BCKDHB: variants seen among roughly 807,000 people sequenced by gnomAD.
The protein encoded by BCKDHB is 2-oxoisovalerate dehydrogenase subunit beta, mitochondrial.
BCKDHB carries 41 observed loss-of-function variants against 48.5 expected under a neutral mutation model. The observed-to-expected ratio is 0.85, with a 90% confidence interval of 0.66 to 1.10. The LOEUF is 1.10. Among genes scored for constraint, BCKDHB ranks in the 50% least tolerant of loss-of-function variants. BCKDHB has a pLI of 0.00. For missense variants in BCKDHB, 496 were observed against 494.2 expected (o/e 1.00, Z -0.03); for synonymous variants, 201 against 174.8 (o/e 1.15, Z -1.18).
intron 1 of BCKDHB, among the ~76,000 whole-genome samples, chr6:80,109,680 A>G (rs1258543410): frequency 6.6e-6 from 1 of 152,200 alleles, no homozygotes; most frequent in Non-Finnish European, 1.5e-5. Flanking sequence ...TTTACTTAAG[A>G]ATTGAATATT....
chr6:80,151,153 T>A (rs924341802), intron 3 of BCKDHB, among the ~76,000 whole-genome samples: 2 of 152,188 alleles, frequency 1.3e-5, no homozygotes, highest in African/African-American at 2.4e-5. Context: ...TGATTAATGA[T>A]CTGTACCAGT....
At chr6:80,304,245 A>G (rs1767736900) in intron 9 of BCKDHB, among the ~76,000 whole-genome samples, 1 of 152,056 alleles carries the variant, frequency 6.6e-6, no homozygotes, top group Non-Finnish European at 1.5e-5. Flanking sequence ...GATCTGGGTC[A>G]TTGTTATCCT....
intron 9 of BCKDHB, among the ~76,000 whole-genome samples, chr6:80,284,150 T>C (rs748616756): frequency 1.3e-5 from 2 of 152,128 alleles, no homozygotes; most frequent in Admixed American, 1.3e-4. Context: ...TTGTGTTTTG[T>C]TATGAGGGCC....
Position 80,112,799 on chromosome 6 carries a change from G to A in BCKDHB, c.196+5910G>A, listed in dbSNP as rs117181618. 7.0e-3 allele frequency among the ~76,000 whole-genome samples: 1,068 copies of A among 152,338 alleles called. 10 individuals are homozygous for A. The highest frequency in any genetic ancestry group is 0.011 in the Non-Finnish European group (733 of 68,028). ...GGGATCCAATCTTAGAGTGTCAGACGTCTCTGACCTTAGTTAGGCATGGGT... is the reference window on the plus strand; with the variant it reads ...GGGATCCAATCTTAGAGTGTCAGACATCTCTGACCTTAGTTAGGCATGGGT... On this transcript the variant is annotated intron_variant, in intron 1 of 9. Coordinates refer to ENST00000320393, the MANE Select transcript of BCKDHB (RefSeq NM_183050.4).
the BCKDHB span, among the ~76,000 whole-genome samples, chr6:80,394,820 C>T: frequency 2.6e-5 from 4 of 152,094 alleles, no homozygotes; most frequent in East Asian, 7.7e-4. Context: ...TTCCCATAAT[C>T]CCCATGTGTC....
intron 3 of BCKDHB, among the ~76,000 whole-genome samples, chr6:80,161,097 AAAC>A (rs1772291752): frequency 1.3e-5 from 2 of 152,296 alleles, no homozygotes; most frequent in South Asian, 4.1e-4. Context: ...CCACTGAATT[AAAC>A]ATTTGCTGAG....
At chr6:80,387,729 C>G in the BCKDHB span, among the ~76,000 whole-genome samples, 3 of 152,262 alleles carry the variant, frequency 2.0e-5, no homozygotes, top group African/African-American at 2.4e-5. Context: ...CAGCAATATA[C>G]TGTTACTGTC....
chr6:80,138,168 A>G (rs551446988), intron 3 of BCKDHB, among the ~76,000 whole-genome samples: 22 of 152,228 alleles, frequency 1.4e-4, no homozygotes, highest in Non-Finnish European at 2.1e-4. Flanking sequence ...GGAGTTGCTC[A>G]GTGGCAAGTG....
At chr6:80,367,593 T>A in the BCKDHB span, among the ~76,000 whole-genome samples, 1 of 152,236 alleles carries the variant, frequency 6.6e-6, no homozygotes, top group African/African-American at 2.4e-5. Flanking sequence ...TTAACACAAG[T>A]AAGAAAATAT....
chr6:80,198,319 A>G (rs756144437), intron 6 of BCKDHB, among the ~76,000 whole-genome samples: 24 of 152,342 alleles, frequency 1.6e-4, no homozygotes, highest in East Asian at 7.7e-4. Flanking sequence ...GGAGCTACAC[A>G]AAAACTTTTA....
chr6:80,426,292 G>A, the BCKDHB span, among the ~76,000 whole-genome samples: 5 of 151,952 alleles, frequency 3.3e-5, no homozygotes, highest in Admixed American at 6.6e-5. Context: ...TCTAAAAACT[G>A]GGACTTAGCT....
the BCKDHB span, among the ~76,000 whole-genome samples, chr6:80,367,250 ATAATTC>A: frequency 6.6e-6 from 1 of 152,094 alleles, no homozygotes; most frequent in Non-Finnish European, 1.5e-5. Flanking sequence ...GCTATTTAAC[ATAATTC>A]TAAGTAAAGA....
chr6:80,427,152 T>C, the BCKDHB span, among the ~76,000 whole-genome samples: 8 of 152,126 alleles, frequency 5.3e-5, no homozygotes, highest in African/African-American at 1.9e-4. Context: ...GAAATTAATA[T>C]AGCTGTTTTA....
chr6:80,286,933 G>A (rs911670954), intron 9 of BCKDHB, among the ~76,000 whole-genome samples: 1 of 152,090 alleles, frequency 6.6e-6, no homozygotes, highest in Admixed American at 6.5e-5. Flanking sequence ...TTGGTCATCT[G>A]TCTATCAAGT....
chr6:80,124,353 G>C (rs1770217872), intron 1 of BCKDHB, among the ~76,000 whole-genome samples: 1 of 152,198 alleles, frequency 6.6e-6, no homozygotes, highest in Non-Finnish European at 1.5e-5. Context: ...GTAGTGCTGA[G>C]AAGAATGTGT....
chr6:80,365,296 C>T, the BCKDHB span, among the ~76,000 whole-genome samples: 1 of 152,076 alleles, frequency 6.6e-6, no homozygotes, highest in Non-Finnish European at 1.5e-5. Flanking sequence ...ACCAGTCTGA[C>T]CACAAATTTA....
At chr6:80,365,082 AACT>A in the BCKDHB span, among the ~76,000 whole-genome samples, 1 of 151,910 alleles carries the variant, frequency 6.6e-6, no homozygotes, top group Non-Finnish European at 1.5e-5. Context: ...CAAAAAGCAG[AACT>A]ACTAATAAGG....
chr6:80,335,094 A>G (rs1001217472), intron 9 of BCKDHB, among the ~76,000 whole-genome samples: 2 of 151,882 alleles, frequency 1.3e-5, no homozygotes, highest in Non-Finnish European at 2.9e-5. Context: ...ATGTAGCTCT[A>G]ATCTTTCAAA....
the BCKDHB span, chr6:80,356,960 C>CG: frequency 7.5e-6 from 1 of 132,842 alleles, no homozygotes; most frequent in Non-Finnish European, 1.6e-5. Context: ...CCGCCCCCCC[C>CG]CCACACACAC....
Sources: gnomAD v4.1 joint callset for allele counts (sites outside exome capture counted in the v4.1 genomes callset) on GRCh38, gnomAD v4.1.1 for gene constraint, MANE v1.5 for transcripts, NCBI Gene and HGNC (gene_info 2026-07-23, HGNC 2026-07-21) for gene names.